Variants in PRICKLE2 observed in about 807,000 individuals in gnomAD.
The protein encoded by PRICKLE2 is prickle-like protein 2.
Under a neutral mutation model 81.4 loss-of-function variants are expected in PRICKLE2, and 21 were observed. That is an observed-to-expected ratio of 0.26 (90% CI 0.18 to 0.37). The LOEUF is 0.37. Among genes scored for constraint, PRICKLE2 ranks in the 10% least tolerant of loss-of-function variants. PRICKLE2 has a pLI of 1.00. For synonymous variants in PRICKLE2, 456 were observed against 421.5 expected (o/e 1.08, Z -1.00); for missense variants, 940 against 1,109.0 (o/e 0.85, Z 2.16).
At chr3:64,159,299 T>C (rs1328008711) in intron 4 of PRICKLE2, among the ~76,000 whole-genome samples, 1 of 152,184 alleles carries the variant, frequency 6.6e-6, no homozygotes, top group East Asian at 1.9e-4. Context: ...ATCATTTACC[T>C]CCCCTTTAAA....
intron 2 of PRICKLE2, among the ~76,000 whole-genome samples, chr3:64,260,433 G>C (rs565257335): frequency 6.6e-6 from 1 of 152,300 alleles, no homozygotes; most frequent in Non-Finnish European, 1.5e-5. Context: ...TACAACAACA[G>C]TTCTTGCCCA....
chr3:64,190,339 C>G (rs2078309691), intron 2 of PRICKLE2: 1 of 152,130 alleles, frequency 6.6e-6, no homozygotes, highest in African/African-American at 2.4e-5. Context: ...AGGAAAATAT[C>G]TGACACATGT....
intron 4 of PRICKLE2, among the ~76,000 whole-genome samples, chr3:64,157,745 C>A (rs1049796414): frequency 6.6e-6 from 1 of 152,006 alleles, no homozygotes; most frequent in East Asian, 1.9e-4. Context: ...GGTTTAACAC[C>A]ACCAGGAGTG....
intron 7 of PRICKLE2, among the ~76,000 whole-genome samples, chr3:64,144,657 G>A (rs924427252): frequency 5.3e-5 from 8 of 152,214 alleles, no homozygotes; most frequent in South Asian, 2.1e-4. Flanking sequence ...GCACATCTTA[G>A]AGCGCTACTC....
rs147617025 is a variant in PRICKLE2, at chr3:64,160,955, AAAAC to A, written c.259-882_259-879del. 2.2e-3 allele frequency among the ~76,000 whole-genome samples: 338 copies of A among 151,142 alleles called. 4 individuals are homozygous for A. Among genetic ancestry groups the A allele is most frequent in the South Asian group, 0.017 (82 of 4,782 alleles). ...AATATCACCCGTAAAAACAAAAACA[AAAAC>A]AAACAAACAAACAAACAAACAAACA... On this transcript the variant is annotated intron_variant, in intron 3 of 7. Transcript: ENST00000638394.
At chr3:64,154,747 C>T (rs552217937) in intron 5 of PRICKLE2, 103 of 152,266 alleles carry the variant, frequency 6.8e-4, no homozygotes, top group African/African-American at 2.2e-3. Flanking sequence ...AGGACATCAT[C>T]GAGTAAGTGA....
At chr3:64,198,742 G>T (rs1356385058) in intron 2 of PRICKLE2, 42 bp downstream of exon 2, 1 of 1,604,850 alleles carries the variant, frequency 6.2e-7, no homozygotes, top group Non-Finnish European at 8.5e-7. Context: ...AAGGCAAAGT[G>T]AAACACCCAA....
At chr3:64,252,590 C>T (rs1364196304) in intron 2 of PRICKLE2, among the ~76,000 whole-genome samples, 1 of 152,212 alleles carries the variant, frequency 6.6e-6, no homozygotes, top group Non-Finnish European at 1.5e-5. Context: ...TTTCAACACA[C>T]AAGCAGCATG....
chr3:64,149,154 AG>A (rs2077504008), intron 6 of PRICKLE2, among the ~76,000 whole-genome samples: 3 of 152,304 alleles, frequency 2.0e-5, no homozygotes, highest in African/African-American at 4.8e-5. Flanking sequence ...CCACAGCCCC[AG>A]GGGTTCTGCC....
intron 6 of PRICKLE2, among the ~76,000 whole-genome samples, chr3:64,151,384 A>G (rs2077544873): frequency 6.6e-6 from 1 of 152,264 alleles, no homozygotes; most frequent in Non-Finnish European, 1.5e-5. Context: ...GGAGGAGAGA[A>G]TGCCAATAAA....
chr3:64,212,362 T>C (rs2078803028), intron 1 of PRICKLE2, among the ~76,000 whole-genome samples: 1 of 152,218 alleles, frequency 6.6e-6, no homozygotes, highest in Non-Finnish European at 1.5e-5. Context: ...GAGCAAGTTC[T>C]AAGAGCCCCT....
upstream of PRICKLE2, among the ~76,000 whole-genome samples, chr3:64,226,229 G>A (rs184919128): frequency 3.5e-3 from 533 of 152,270 alleles, 4 homozygotes; most frequent in African/African-American, 0.012. Context: ...CAGCAAGGAT[G>A]GGTCAGAATC....
At chr3:64,180,012 T>C (rs1157779279) in intron 2 of PRICKLE2, among the ~76,000 whole-genome samples, 1 of 152,220 alleles carries the variant, frequency 6.6e-6, no homozygotes, top group Non-Finnish European at 1.5e-5. Flanking sequence ...AAACCTTAAA[T>C]ACTAAACAGG....
At chr3:64,128,911 A>AT (rs1312006815) in intron 7 of PRICKLE2, among the ~76,000 whole-genome samples, 4 of 145,650 alleles carry the variant, frequency 2.7e-5, no homozygotes, top group Non-Finnish European at 6.2e-5. Context: ...TATGGCAGGG[A>AT]TTTTTTATTT....
rs759955615 is a variant in PRICKLE2, at chr3:64,146,958, CCTTCCT to C, written c.1526_1531del (p.Glu509_Glu510del). The C allele has an allele frequency of 2.9e-5, 47 of 1,613,994 alleles. No homozygotes were observed. Among genetic ancestry groups the C allele is most frequent in the African/African-American group, 1.6e-4 (12 of 74,900 alleles). On this transcript the variant is annotated inframe_deletion, in exon 7 of 8. Coordinates refer to ENST00000638394, the MANE Select transcript of PRICKLE2 (RefSeq NM_198859.4). ...CCGACACTGCTGAGTGGACAAGCCC[CCTTCCT>C]CTTCCTCTTCCTCCTCATATTTGGG...
At chr3:64,112,407 T>A (rs560180239) in intron 7 of PRICKLE2, among the ~76,000 whole-genome samples, 3 of 152,332 alleles carry the variant, frequency 2.0e-5, no homozygotes, top group Admixed American at 6.5e-5. Context: ...AAAGTGCCAT[T>A]TGTGGGACAG....
intron 2 of PRICKLE2, among the ~76,000 whole-genome samples, chr3:64,238,258 A>G (rs148192791): frequency 3.8e-3 from 579 of 152,272 alleles, no homozygotes; most frequent in Non-Finnish European, 5.8e-3. Flanking sequence ...AGGCCAAGGC[A>G]GGCAGGTACG....
rs1341155643 is a variant in PRICKLE2, at chr3:64,092,679, C to A, written c.*6372G>T. 6.6e-6 allele frequency: 1 copy of A among 152,134 alleles called. No homozygotes were observed. The highest frequency in any genetic ancestry group is 1.5e-5 in the Non-Finnish European group (1 of 68,034). The allele number at this position is 152,134 out of a possible 1,614,324, so 9.4% of individuals were successfully genotyped here. On this transcript the variant is annotated 3_prime_UTR_variant, in exon 8 of 8. Coordinates refer to ENST00000638394, the MANE Select transcript of PRICKLE2 (RefSeq NM_198859.4). ...AGACCACTTATTATTTGCTTAAAAG[C>A]AAACACAAATATTTTTGGGTCATCT...
intron 3 of PRICKLE2, among the ~76,000 whole-genome samples, chr3:64,161,192 G>C (rs1559548768): frequency 6.6e-6 from 1 of 152,244 alleles, no homozygotes; most frequent in East Asian, 1.9e-4. Context: ...CTATCACAAG[G>C]AATACAATAC....
Sources: allele counts gnomAD v4.1 joint callset (sites outside exome capture counted in the v4.1 genomes callset), GRCh38; gene constraint gnomAD v4.1.1; transcripts MANE v1.5; gene names NCBI Gene and HGNC (gene_info 2026-07-23, HGNC 2026-07-21).